The following TTC28 variants were observed in gnomAD, a reference collection of about 807,000 sequenced individuals.
TTC28 encodes the protein tetratricopeptide repeat protein 28.
Under a neutral mutation model 198.0 loss-of-function variants are expected in TTC28, and 61 were observed. The observed-to-expected ratio is 0.31, with a 90% CI of 0.25 to 0.38. The LOEUF (loss-of-function observed/expected upper bound fraction) is 0.38. TTC28 is among the 10% of genes least tolerant of loss of function. The pLI, the probability that TTC28 is intolerant of heterozygous loss-of-function variation, is 1.00. For missense variants in TTC28, 2,678 were observed against 3,164.0 expected, an observed-to-expected ratio of 0.85 and a Z score of 3.69; for synonymous variants, 1,171 against 1,297.8, an observed-to-expected ratio of 0.90 and a Z score of 2.10.
At chr22:28,590,205 G>A (rs539458874) in intron 2 of TTC28, among the ~76,000 whole-genome samples, 39 of 147,094 alleles carry the variant, frequency 2.7e-4, no homozygotes, top group African/African-American at 9.6e-4. Context: ...TCGGCTCACT[G>A]CAAGCTCCAC....
intron 6 of TTC28, among the ~76,000 whole-genome samples, chr22:28,151,975 G>A (rs962232747): frequency 1.4e-4 from 22 of 152,122 alleles, no homozygotes; most frequent in African/African-American, 5.3e-4. Context: ...AGAACTAACT[G>A]GTCAATAAAT....
At chr22:28,373,098 A>T (rs2046361590) in intron 2 of TTC28, among the ~76,000 whole-genome samples, 1 of 152,148 alleles carries the variant, frequency 6.6e-6, no homozygotes, top group South Asian at 2.1e-4. Flanking sequence ...CCCTAAAGAT[A>T]ACTTTATACC....
At chr22:28,576,286 T>C (rs1029733861) in intron 2 of TTC28, among the ~76,000 whole-genome samples, 1 of 152,158 alleles carries the variant, frequency 6.6e-6, no homozygotes, top group Non-Finnish European at 1.5e-5. Context: ...ATATATCACA[T>C]TGATTCATTT....
chr22:28,020,399 C>T (rs1227522021), intron 13 of TTC28, among the ~76,000 whole-genome samples: 1 of 152,106 alleles, frequency 6.6e-6, no homozygotes, highest in South Asian at 2.1e-4. Flanking sequence ...TGTGTGGTGG[C>T]GGGAAAAGGA....
intron 2 of TTC28, among the ~76,000 whole-genome samples, chr22:28,439,631 C>T (rs2047584664): frequency 6.6e-6 from 1 of 152,160 alleles, no homozygotes; most frequent in Non-Finnish European, 1.5e-5. Context: ...AATTATAACA[C>T]CTACCACCTC....
At chr22:28,105,248 C>A (rs1601624070) in intron 8 of TTC28, 31 bp downstream of exon 8, 1 of 1,537,724 alleles carries the variant, frequency 6.5e-7, no homozygotes, top group Non-Finnish European at 8.8e-7. Flanking sequence ...TTCAAGTAGG[C>A]CAAGAGAACA....
chr22:28,489,089 G>A (rs2048344425), intron 2 of TTC28, among the ~76,000 whole-genome samples: 1 of 152,090 alleles, frequency 6.6e-6, no homozygotes, highest in Admixed American at 6.6e-5. Context: ...CTTGAGACCA[G>A]CCTGGGCAAT....
At chr22:28,204,878 A>C (rs1303133206) in intron 5 of TTC28, among the ~76,000 whole-genome samples, 1 of 152,202 alleles carries the variant, frequency 6.6e-6, no homozygotes, top group African/African-American at 2.4e-5. Flanking sequence ...TGTCTAAATG[A>C]TGAGGACTCC....
At chr22:28,274,976 TAAAAAAAAAA>T (rs34582010) in intron 5 of TTC28, among the ~76,000 whole-genome samples, 3 of 77,890 alleles carry the variant, frequency 3.9e-5, no homozygotes, top group Admixed American at 1.8e-4. Flanking sequence ...GAGACTGTCT[TAAAAAAAAAA>T]AAAAAAAAAA....
chr22:28,178,441 T>G (rs1923383451), intron 5 of TTC28, among the ~76,000 whole-genome samples: 1 of 151,254 alleles, frequency 6.6e-6, no homozygotes, highest in Non-Finnish European at 1.5e-5. Flanking sequence ...CAAACCAGCC[T>G]GGGCAACAAG....
intron 12 of TTC28, among the ~76,000 whole-genome samples, chr22:28,047,555 A>C (rs1219552558): frequency 6.6e-6 from 1 of 152,180 alleles, no homozygotes; most frequent in Non-Finnish European, 1.5e-5. Context: ...CACAAAAAGC[A>C]AGGTTCCACT....
chr22:28,393,753 G>A (rs562348856), intron 2 of TTC28, among the ~76,000 whole-genome samples: 219 of 152,132 alleles, frequency 1.4e-3, no homozygotes, highest in African/African-American at 5.1e-3. Flanking sequence ...TTGCACATAC[G>A]GGCTCTTCAT....
At chr22:27,994,834 A>G (rs1450373791) in intron 17 of TTC28, among the ~76,000 whole-genome samples, 2 of 152,204 alleles carry the variant, frequency 1.3e-5, no homozygotes, top group Admixed American at 1.3e-4. Context: ...TCCCCAAAAA[A>G]GCAGTGTGTA....
At chr22:28,458,648 G>A (rs1052144267) in intron 2 of TTC28, among the ~76,000 whole-genome samples, 28 of 152,098 alleles carry the variant, frequency 1.8e-4, no homozygotes, top group Admixed American at 6.5e-4. Context: ...TTGGGAGGCC[G>A]AGGTGGGTGG....
At chr22:28,031,255 C>T (rs1023082216) in intron 12 of TTC28, among the ~76,000 whole-genome samples, 2 of 152,140 alleles carry the variant, frequency 1.3e-5, no homozygotes, top group African/African-American at 4.8e-5. Context: ...ACCATGCCTC[C>T]CAACCAACTG....
chr22:28,451,131 G>C (rs1216477059), intron 2 of TTC28, among the ~76,000 whole-genome samples: 1 of 152,180 alleles, frequency 6.6e-6, no homozygotes. Context: ...CCAAAATATG[G>C]TGAAACTCCA....
chr22:28,679,673 G>C lies in TTC28; in HGVS notation c.51C>G (p.Pro17=). ...GCTCCCGCCGCCTTCGGCTCCTTGC[G>C]GGGGTCGGCCCTTGGGTCGGCTCGG... ...PAPEPTQGPT[P]ARSRRRREPE... is the part of the protein sequence containing the mutation. The change falls in exon 1 of 23, where the codon CCC becomes CCG. Residue 17 remains proline (P), a synonymous_variant. Coordinates refer to ENST00000397906, the MANE Select transcript of TTC28 (RefSeq NM_001145418.2). 7.3e-7 allele frequency: 1 copy of C among 1,378,474 alleles called. No homozygotes were observed. 85.4% of individuals were successfully genotyped at this position (1,378,474 alleles called of 1,614,324 possible). A position where few individuals can be genotyped will look rare whatever the true frequency, so the allele number is the denominator to read the frequency against.
chr22:28,579,028 T>A (rs944786648), intron 2 of TTC28, among the ~76,000 whole-genome samples: 12 of 151,778 alleles, frequency 7.9e-5, no homozygotes, highest in Admixed American at 2.6e-4. Flanking sequence ...TATGTATATA[T>A]ACTATATAGC....
intron 1 of TTC28, among the ~76,000 whole-genome samples, chr22:28,655,440 C>A (rs2146269869): frequency 6.6e-6 from 1 of 152,304 alleles, no homozygotes. Context: ...AGACTTCCTG[C>A]AAATTTCTAT....
Sources: allele counts gnomAD v4.1 joint callset (sites outside exome capture counted in the v4.1 genomes callset), GRCh38; gene constraint gnomAD v4.1.1; transcripts MANE v1.5; gene names NCBI Gene and HGNC (gene_info 2026-07-23, HGNC 2026-07-21).